APBB2: variants seen among roughly 807,000 people sequenced by gnomAD.
The protein encoded by APBB2 is Fe65-like 1.
APBB2 carries 38 observed loss-of-function variants against 82.5 expected under a neutral mutation model. The observed-to-expected ratio is 0.46, with a 90% CI of 0.36 to 0.60. The LOEUF is 0.60. APBB2 is among the 20% of genes least tolerant of loss of function. The pLI is 0.00. For missense variants in APBB2, 772 were observed against 972.3 expected, an observed-to-expected ratio of 0.79 and a Z score of 2.74; for synonymous variants, 341 against 368.2, an observed-to-expected ratio of 0.93 and a Z score of 0.85.
At chr4:40,860,321 A>G (rs2465545) in intron 12 of APBB2, among the ~76,000 whole-genome samples, 59,308 of 151,976 alleles carry the variant, frequency 0.39, 11,858 homozygotes, top group African/African-American at 0.47. Flanking sequence ...CCACCTCTGG[A>G]GGGACTCGAG....
chr4:41,194,641 G>C, intron 1 of APBB2, among the ~76,000 whole-genome samples: 1 of 152,120 alleles, frequency 6.6e-6, no homozygotes, highest in Admixed American at 6.5e-5. Flanking sequence ...TCTAGCCTTG[G>C]TGACAGAGCA....
chr4:40,883,343 T>G (rs1769232463), intron 12 of APBB2, among the ~76,000 whole-genome samples: 2 of 151,988 alleles, frequency 1.3e-5, no homozygotes, highest in Admixed American at 6.6e-5. Context: ...TCCCAGCACT[T>G]TGGGAGGCCG....
intron 1 of APBB2, among the ~76,000 whole-genome samples, chr4:41,150,525 C>G (rs1761995003): frequency 6.6e-6 from 1 of 152,168 alleles, no homozygotes; most frequent in African/African-American, 2.4e-5. Flanking sequence ...ACTGCCCTGC[C>G]CTACTACTCT....
intron 10 of APBB2, among the ~76,000 whole-genome samples, chr4:40,912,355 G>A (rs2154363363): frequency 6.6e-6 from 1 of 152,296 alleles, no homozygotes; most frequent in Middle Eastern, 3.4e-3. Flanking sequence ...AAGGCGGGCG[G>A]ATCACCAGGT....
intron 12 of APBB2, among the ~76,000 whole-genome samples, chr4:40,860,621 C>A (rs1416118527): frequency 5.3e-5 from 8 of 152,170 alleles, no homozygotes; most frequent in African/African-American, 1.7e-4. Flanking sequence ...CCTCAGTGAG[C>A]TCTATGAGTC....
intron 11 of APBB2, 101 bp downstream of exon 11, chr4:40,893,164 C>T (rs1410577929): frequency 7.0e-7 from 1 of 1,429,946 alleles, no homozygotes; most frequent in South Asian, 1.4e-5. Context: ...CTGATGAACA[C>T]CTCGGAGCCC....
intron 10 of APBB2, among the ~76,000 whole-genome samples, chr4:40,901,702 G>A (rs1262154017): frequency 6.6e-6 from 1 of 152,034 alleles, no homozygotes; most frequent in Non-Finnish European, 1.5e-5. Context: ...TAGAGATGGG[G>A]TTTCACCATG....
intron 1 of APBB2, among the ~76,000 whole-genome samples, chr4:41,161,513 G>A (rs1765163042): frequency 6.6e-6 from 1 of 152,280 alleles, no homozygotes; most frequent in East Asian, 1.9e-4. Flanking sequence ...GGCTGAGGTG[G>A]GAGGATTGTT....
chr4:40,907,370 TATATATATA>T (rs1318464338), intron 10 of APBB2, among the ~76,000 whole-genome samples: 6 of 36,798 alleles, frequency 1.6e-4, no homozygotes, highest in South Asian at 1.4e-3. Flanking sequence ...TATATATATA[TATATATATA>T]TTTTTTTTTT....
At chr4:41,001,273 G>A (rs1560495711) in intron 6 of APBB2, among the ~76,000 whole-genome samples, 3 of 152,148 alleles carry the variant, frequency 2.0e-5, no homozygotes, top group African/African-American at 7.2e-5. Context: ...GTCTGTTAGA[G>A]ATTAAATAGA....
chr4:41,034,475 T>C (rs1718351977), intron 4 of APBB2, among the ~76,000 whole-genome samples: 2 of 152,076 alleles, frequency 1.3e-5, no homozygotes, highest in Non-Finnish European at 2.9e-5. Context: ...CAGGCGCGCA[T>C]CACCACGCCC....
At chr4:40,828,430 T>C (rs1750706493) in intron 13 of APBB2, among the ~76,000 whole-genome samples, 1 of 152,184 alleles carries the variant, frequency 6.6e-6, no homozygotes, top group Non-Finnish European at 1.5e-5. Flanking sequence ...ATCGCAGACC[T>C]CTACTCTGCC....
chr4:41,026,988 C>A (rs961388481), intron 5 of APBB2, among the ~76,000 whole-genome samples: 4 of 152,194 alleles, frequency 2.6e-5, no homozygotes, highest in Admixed American at 6.5e-5. Flanking sequence ...TGCATCCAGA[C>A]AATGAGATGG....
chr4:41,033,101 A>T, intron 5 of APBB2, 135 bp downstream of exon 5: 1 of 711,568 alleles, frequency 1.4e-6, no homozygotes, highest in Non-Finnish European at 2.4e-6. Flanking sequence ...TTTTTCTATT[A>T]CATTAGTGAA....
At chr4:41,207,922 T>C (rs539375554) in intron 1 of APBB2, 3 of 152,234 alleles carry the variant, frequency 2.0e-5, no homozygotes, top group Non-Finnish European at 4.4e-5. Flanking sequence ...AAAGGCATAG[T>C]ATCAGAGAAA....
At chr4:41,054,687 T>C (rs1452458853) in intron 4 of APBB2, among the ~76,000 whole-genome samples, 5 of 152,142 alleles carry the variant, frequency 3.3e-5, no homozygotes, top group Non-Finnish European at 7.3e-5. Context: ...GGTTCTTCTC[T>C]CTATATAAAG....
chr4:40,859,959 T>G (rs1333659688), intron 12 of APBB2, among the ~76,000 whole-genome samples: 1 of 152,192 alleles, frequency 6.6e-6, no homozygotes, highest in Non-Finnish European at 1.5e-5. Context: ...GTTGATTCCT[T>G]TGGAAGATGT....
intron 4 of APBB2, among the ~76,000 whole-genome samples, chr4:41,049,434 C>T (rs1021063829): frequency 3.3e-5 from 5 of 151,048 alleles, no homozygotes; most frequent in Non-Finnish European, 5.9e-5. Context: ...CAGCCCCGCC[C>T]GGCCAGCCAA....
At chr4:41,213,264 A>T (rs575694878) in intron 1 of APBB2, among the ~76,000 whole-genome samples, 11 of 152,282 alleles carry the variant, frequency 7.2e-5, no homozygotes, top group Non-Finnish European at 1.3e-4. Context: ...TTTTATGATA[A>T]TCCTTTGGGT....
Sources: allele counts gnomAD v4.1 joint callset (sites outside exome capture counted in the v4.1 genomes callset), GRCh38; gene constraint gnomAD v4.1.1; transcripts MANE v1.5; gene names NCBI Gene and HGNC (gene_info 2026-07-23, HGNC 2026-07-21).